Variants in NXPH1 observed in about 807,000 individuals in gnomAD.
NXPH1 encodes neurexophilin-1.
NXPH1 carries 5 observed loss-of-function variants against 23.7 expected under a neutral mutation model. That is an observed-to-expected ratio of 0.21 (90% CI 0.11 to 0.44). NXPH1 has a LOEUF of 0.44. Among genes scored for constraint, NXPH1 ranks in the 20% least tolerant of loss-of-function variants. NXPH1 has a pLI of 0.99. For missense variants in NXPH1, 324 were observed against 321.6 expected (o/e 1.01, Z -0.06); for synonymous variants, 144 against 122.2 (o/e 1.18, Z -1.18).
chr7:8,692,840 A>T (rs16874148), intron 2 of NXPH1, among the ~76,000 whole-genome samples: 49,010 of 151,978 alleles, frequency 0.32, 8,011 homozygotes, highest in East Asian at 0.44. Context: ...GTAGGTTGTT[A>T]GGTAGATGAA....
intron 2 of NXPH1, among the ~76,000 whole-genome samples, chr7:8,698,677 A>T (rs1286036253): frequency 6.6e-6 from 1 of 152,174 alleles, no homozygotes; most frequent in Non-Finnish European, 1.5e-5. Context: ...CTATTGCTAT[A>T]TGAAGGAGGC....
chr7:8,498,808 G>A (rs1817382954), intron 2 of NXPH1, among the ~76,000 whole-genome samples: 1 of 151,996 alleles, frequency 6.6e-6, no homozygotes, highest in East Asian at 1.9e-4. Context: ...CTTAGTAAGA[G>A]GGATAAGATT....
At chr7:8,615,440 G>A (rs137909962) in intron 2 of NXPH1, among the ~76,000 whole-genome samples, 479 of 152,126 alleles carry the variant, frequency 3.1e-3, no homozygotes, top group African/African-American at 0.011. Context: ...AGGGGACTTA[G>A]TAAGCTTTCA....
At chr7:8,743,526 G>T (rs770804602) in intron 2 of NXPH1, among the ~76,000 whole-genome samples, 7 of 151,926 alleles carry the variant, frequency 4.6e-5, no homozygotes, top group Non-Finnish European at 8.8e-5. Flanking sequence ...CCCCCAAAAT[G>T]GTGTCTTTCA....
intron 2 of NXPH1, among the ~76,000 whole-genome samples, chr7:8,483,642 C>G (rs2128610163): frequency 6.6e-6 from 1 of 152,154 alleles, no homozygotes; most frequent in South Asian, 2.1e-4. Context: ...CATATGAAAC[C>G]CTGATATGAG....
chr7:8,469,409 T>A (rs1816833797), intron 2 of NXPH1, among the ~76,000 whole-genome samples: 1 of 152,080 alleles, frequency 6.6e-6, no homozygotes, highest in Non-Finnish European at 1.5e-5. Context: ...ATGATTTAGC[T>A]CCAGCTCAGC....
In NXPH1 at chr7:8,504,952, A is replaced by G. The variant is rs534131432; in HGVS notation, c.54+69185A>G. Among the ~76,000 whole-genome samples the G allele has an allele frequency of 3.3e-5, 5 of 152,150 alleles. No homozygotes were observed. The South Asian group carries it at 8.3e-4, about 25-fold the overall frequency. ...ATTTGTTGTTTGAACCACCTTGTCT[A>G]TGGTATTCTGTTGTAGCAGCCCAAA... On this transcript the variant is annotated intron_variant, in intron 2 of 2. Coordinates refer to ENST00000405863, the MANE Select transcript of NXPH1 (RefSeq NM_152745.3).
intron 2 of NXPH1, among the ~76,000 whole-genome samples, chr7:8,611,014 G>T (rs960474818): frequency 4.6e-5 from 7 of 152,126 alleles, no homozygotes; most frequent in Admixed American, 4.6e-4. Context: ...AGCCATTGTG[G>T]CTGAAACGCC....
intron 2 of NXPH1, among the ~76,000 whole-genome samples, chr7:8,533,273 A>T (rs1349367583): frequency 1.3e-5 from 2 of 152,106 alleles, no homozygotes; most frequent in Non-Finnish European, 2.9e-5. Context: ...TCAGCCCAAT[A>T]CTGAAGTTGT....
intron 2 of NXPH1, among the ~76,000 whole-genome samples, chr7:8,535,972 C>T (rs769038632): frequency 6.6e-6 from 1 of 152,058 alleles, no homozygotes; most frequent in Admixed American, 6.6e-5. Flanking sequence ...GTGGTAACTC[C>T]TGTTTATTTT....
chr7:8,489,204 C>T (rs1197313759), intron 2 of NXPH1, among the ~76,000 whole-genome samples: 2 of 152,048 alleles, frequency 1.3e-5, no homozygotes, highest in Non-Finnish European at 2.9e-5. Flanking sequence ...TTCGGCCTAT[C>T]TAGGGATGTT....
In NXPH1 at chr7:8,752,555, A is replaced by G. The variant is rs1464777556; in HGVS notation, c.*786A>G. 6.6e-6 allele frequency: 1 copy of G among 152,584 alleles called. No homozygotes were observed. Among genetic ancestry groups the G allele is most frequent in the Non-Finnish European group, 1.5e-5 (1 of 68,034 alleles). 9.5% of individuals were successfully genotyped at this position (152,584 alleles called of 1,614,324 possible). A position where few individuals can be genotyped will look rare whatever the true frequency, so the allele number is the denominator to read the frequency against. On this transcript the variant is annotated 3_prime_UTR_variant, in exon 3 of 3. Coordinates refer to ENST00000405863, the MANE Select transcript of NXPH1 (RefSeq NM_152745.3). ...AGGCTGCTTAAAATAAGTTCTGATC[A>G]TTATATAAGAAGGGAAATGCCTGGC... is the stretch of plus-strand genomic sequence containing the variant.
intron 2 of NXPH1, among the ~76,000 whole-genome samples, chr7:8,482,634 C>G (rs1817093471): frequency 2.0e-5 from 3 of 152,178 alleles, no homozygotes; most frequent in Admixed American, 6.5e-5. Context: ...CCATTTCTCC[C>G]TCCTGTACAA....
chr7:8,576,118 A>G (rs1039787785), intron 2 of NXPH1, among the ~76,000 whole-genome samples: 1 of 152,186 alleles, frequency 6.6e-6, no homozygotes, highest in Non-Finnish European at 1.5e-5. Context: ...GAAGAGAGAT[A>G]TGCCTTTTAT....
chr7:8,543,830 G>A (rs1289876939), intron 2 of NXPH1, among the ~76,000 whole-genome samples: 2 of 151,554 alleles, frequency 1.3e-5, no homozygotes, highest in African/African-American at 4.8e-5. Context: ...ATAAATGATT[G>A]CATACCAGGT....
chr7:8,712,713 T>A (rs1293544517), intron 2 of NXPH1, among the ~76,000 whole-genome samples: 2 of 152,232 alleles, frequency 1.3e-5, no homozygotes, highest in East Asian at 3.8e-4. Flanking sequence ...GTTATCAGCA[T>A]GAATAATTTT....
chr7:8,646,013 G>A (rs1820394488), intron 2 of NXPH1, among the ~76,000 whole-genome samples: 1 of 152,036 alleles, frequency 6.6e-6, no homozygotes, highest in Non-Finnish European at 1.5e-5. Context: ...ATCTTGTCAA[G>A]TCCTCTCATG....
intron 2 of NXPH1, among the ~76,000 whole-genome samples, chr7:8,633,950 C>T (rs116332215): frequency 6.6e-6 from 1 of 152,086 alleles, no homozygotes; most frequent in Non-Finnish European, 1.5e-5. Flanking sequence ...ATGAAAACAC[C>T]TTTGCTTAAG....
intron 2 of NXPH1, among the ~76,000 whole-genome samples, chr7:8,522,098 C>CCAATA (rs943318493): frequency 1.4e-4 from 22 of 152,176 alleles, no homozygotes; most frequent in Admixed American, 3.3e-4. Flanking sequence ...TCTTAAGAGG[C>CCAATA]ATTGTTTCAA....
Sources: gnomAD v4.1 joint callset for allele counts (sites outside exome capture counted in the v4.1 genomes callset) on GRCh38, gnomAD v4.1.1 for gene constraint, MANE v1.5 for transcripts, NCBI Gene and HGNC (gene_info 2026-07-23, HGNC 2026-07-21) for gene names.